RAI2: variants seen among roughly 807,000 people sequenced by gnomAD.
The protein encoded by RAI2 is retinoic acid-induced protein 2.
RAI2 carries 5 observed loss-of-function variants against 15.3 expected under a neutral mutation model. The ratio of observed to expected loss-of-function variants is 0.33; its 90% CI spans 0.17 to 0.69. The LOEUF (loss-of-function observed/expected upper bound fraction) is 0.69. Among genes scored for constraint, RAI2 ranks in the 30% least tolerant of loss-of-function variants. The pLI is 0.69. For synonymous variants in RAI2, 191 were observed against 184.0 expected (o/e 1.04, Z -0.31); for missense variants, 424 against 424.7 (o/e 1.00, Z 0.01).
intron 1 of RAI2, among the ~76,000 whole-genome samples, chrX:17,839,233 T>C (rs745510565): frequency 9.8e-5 from 11 of 112,255 alleles, no homozygotes; most frequent in African/African-American, 3.6e-4. Context: ...ACAGGAACCC[T>C]GCAGCGACAT....
intron 1 of RAI2, among the ~76,000 whole-genome samples, chrX:17,806,846 C>A (rs1354073359): frequency 9.0e-6 from 1 of 110,651 alleles, no homozygotes; most frequent in Non-Finnish European, 1.9e-5. Flanking sequence ...CACATCTTCA[C>A]GTGGCCGGCA....
chrX:17,850,458 C>T (rs2067516055), intron 1 of RAI2, among the ~76,000 whole-genome samples: 1 of 112,621 alleles, frequency 8.9e-6, no homozygotes, highest in Non-Finnish European at 1.9e-5. Flanking sequence ...TGAGGCTGCA[C>T]GCTTGTGCGT....
intron 1 of RAI2, among the ~76,000 whole-genome samples, chrX:17,823,396 A>C (rs1042111899): frequency 3.6e-5 from 4 of 112,311 alleles, no homozygotes. Context: ...TAAGATGAAA[A>C]GAGGGATGGT....
In RAI2 at chrX:17,831,730, C is replaced by T. The variant is rs148989978; in HGVS notation, c.-25+29368G>A. ...CGAAGTGGGAGAAGAAATGTGGCTA[C>T]GTGTTGGGAATGTAAGCAGCACAAA... On this transcript the variant is annotated intron_variant, in intron 1 of 1. Coordinates refer to ENST00000451717, the MANE Select transcript of RAI2 (RefSeq NM_021785.6). Among the ~76,000 whole-genome samples the T allele has an allele frequency of 1.8e-3, 203 of 112,467 alleles. 3 individuals are homozygous for T. The East Asian group carries it at 0.049, about 27-fold the overall frequency.
At chrX:17,809,537 T>C (rs2067019075) in intron 1 of RAI2, among the ~76,000 whole-genome samples, 1 of 112,186 alleles carries the variant, frequency 8.9e-6, no homozygotes, top group Admixed American at 9.4e-5. Flanking sequence ...CTGTTTTTTA[T>C]TTTATAGTGT....
In RAI2 at chrX:17,847,325, G is replaced by A. The variant is rs2067475828; in HGVS notation, c.-25+13773C>T. ...CTTTTTGGTCTTCATTCCCTCCACC[G>A]TCCCCATCCCCCACCCTCCAGTACA... On this transcript the variant is annotated intron_variant, in intron 1 of 1. Coordinates refer to ENST00000451717, the MANE Select transcript of RAI2 (RefSeq NM_021785.6). Among the ~76,000 whole-genome samples the A allele has an allele frequency of 2.7e-5, 3 of 110,933 alleles. No homozygotes were observed. The Admixed American group carries it at 2.9e-4, about 11-fold the overall frequency.
At position 17,828,571 on chromosome X, in the gene RAI2, A is replaced by T. The variant is rs142396075; in HGVS notation, c.-24-26537T>A. 0.014 allele frequency among the ~76,000 whole-genome samples: 1,593 copies of T among 112,199 alleles called. 68 individuals are homozygous for T. In the East Asian group the frequency reaches 0.16, roughly 11 times the overall value. ...ACCTTTGATTCCTCTAAAACATGCC[A>T]AATCAGAGTAGAACTGTGCTACTCC... On this transcript the variant is annotated intron_variant, in intron 1 of 1. Coordinates refer to ENST00000451717, the MANE Select transcript of RAI2 (RefSeq NM_021785.6).
Position 17,800,857 on chromosome X carries a change from G to A in RAI2, c.1154C>T (p.Ser385Phe), listed in dbSNP as rs1395657888. Reference sequence around the variant, plus strand: ...CTCATGGGACGTGGCAGGGGCAAAAGAAATTTCCATGCCACTGGGAAGTTT... The same window carrying A: ...CTCATGGGACGTGGCAGGGGCAAAAAAAATTTCCATGCCACTGGGAAGTTT... ...MEKLPSGMEI[S>F]FAPATSHEAP... Residue 385 changes from serine to phenylalanine, a missense_variant, in exon 2 of 2, where the codon TCT becomes TTT. Physicochemically the swap from Ser to Phe is radical, Grantham distance 155 (BLOSUM62 -2). Transcript: ENST00000451717. The A allele has an allele frequency of 8.3e-7, 1 of 1,211,678 alleles. No homozygotes were observed.
At chrX:17,812,764 G>A (rs2067063641) in intron 1 of RAI2, among the ~76,000 whole-genome samples, 1 of 111,952 alleles carries the variant, frequency 8.9e-6, no homozygotes, top group Admixed American at 9.5e-5. Flanking sequence ...ATGAGGGTAA[G>A]GATAAGAGGG....
At position 17,805,415 on chromosome X, in the gene RAI2, G is replaced by A. The variant is rs1379466610; in HGVS notation, c.-24-3381C>T. On this transcript the variant is annotated intron_variant, in intron 1 of 1. Transcript: ENST00000451717. ...CTCCTGTCCTTGGGGACTGCAGCCC[G>A]AAGTGGCTATGGTTCTGTTACTGGA... Among the ~76,000 whole-genome samples the A allele has an allele frequency of 5.3e-5, 6 of 112,869 alleles. No individual in the cohort carries two copies. The East Asian group carries it at 8.4e-4, about 16-fold the overall frequency.
chrX:17,826,129 T>C (rs2067224157), intron 1 of RAI2, among the ~76,000 whole-genome samples: 1 of 112,777 alleles, frequency 8.9e-6, no homozygotes, highest in African/African-American at 3.2e-5. Flanking sequence ...TTTAACCCAT[T>C]CCAAGAAGGT....
At chrX:17,806,633 AG>A (rs913322331) in intron 1 of RAI2, among the ~76,000 whole-genome samples, 6 of 111,572 alleles carry the variant, frequency 5.4e-5, no homozygotes, top group Non-Finnish European at 1.1e-4. Context: ...GGAGGTAGGG[AG>A]GGACTGGGAG....
rs2066910972 is a variant in RAI2, at chrX:17,801,516, C to T, written c.495G>A (p.Gln165=). Residue 165 remains glutamine (Q), a synonymous_variant, in exon 2 of 2, where the codon CAG becomes CAA. Transcript: ENST00000451717. Reference sequence around the variant, plus strand: ...GGATCCTCAGGTCCAGGAGCTGGGGCTGGGCCTCGGGGTCCTCCGCTCCCT... The same window carrying T: ...GGATCCTCAGGTCCAGGAGCTGGGGTTGGGCCTCGGGGTCCTCCGCTCCCT... ...LFQGAEDPEA[Q]PQLLDLRIPS... is the part of the protein sequence containing the mutation. 3.3e-6 allele frequency: 4 copies of T among 1,195,436 alleles called. No homozygotes were observed. In the Admixed American group the frequency reaches 6.7e-5, roughly 20 times the overall value.
rs781149643 is a variant in RAI2 at position 17,839,990 on chromosome X, G to A, written c.-25+21108C>T. Among the ~76,000 whole-genome samples the A allele has an allele frequency of 9.8e-5, 11 of 112,581 alleles. No homozygotes were observed. The South Asian group carries it at 3.3e-3, about 34-fold the overall frequency. On this transcript the variant is annotated intron_variant, in intron 1 of 1. Transcript: ENST00000451717. ...TTGTTGAGTGAGCATGTGTGTACACGTGTGTGTGTTAAGAACTTAAAGAAT... is the reference window on the plus strand; with the variant it reads ...TTGTTGAGTGAGCATGTGTGTACACATGTGTGTGTTAAGAACTTAAAGAAT...
rs532307821 is a variant in RAI2, at chrX:17,852,847, A to G, written c.-25+8251T>C. On this transcript the variant is annotated intron_variant, in intron 1 of 1. Coordinates refer to ENST00000451717, the MANE Select transcript of RAI2 (RefSeq NM_021785.6). ...GCTACCTGAATTTCAATCATTACGAAAAATGATCCATCTACCGAGAAAGTA... is the reference window on the plus strand; with the variant it reads ...GCTACCTGAATTTCAATCATTACGAGAAATGATCCATCTACCGAGAAAGTA... 2.7e-5 allele frequency among the ~76,000 whole-genome samples: 3 copies of G among 112,055 alleles called. No individual in the cohort carries two copies. In the South Asian group the frequency reaches 1.1e-3, roughly 42 times the overall value.
At chrX:17,822,023 T>C (rs1032229305) in intron 1 of RAI2, among the ~76,000 whole-genome samples, 1 of 111,811 alleles carries the variant, frequency 8.9e-6, no homozygotes, top group South Asian at 3.7e-4. Context: ...CAAAAATCCA[T>C]GTGAATATTT....
intron 1 of RAI2, among the ~76,000 whole-genome samples, chrX:17,803,936 C>CT (rs11448927): frequency 0.018 from 1,783 of 99,910 alleles, 50 homozygotes; most frequent in African/African-American, 0.057. Context: ...TCCAACATGC[C>CT]TTTTTTTTTT....
At chrX:17,811,919 A>C (rs1161563257) in intron 1 of RAI2, among the ~76,000 whole-genome samples, 1 of 110,637 alleles carries the variant, frequency 9.0e-6, no homozygotes, top group Non-Finnish European at 1.9e-5. Context: ...CTCTGTGTAA[A>C]ATGATTAAAA....
rs1601912783 is a variant in RAI2, at chrX:17,819,692, C to T, written c.-24-17658G>A. Among the ~76,000 whole-genome samples the T allele has an allele frequency of 2.7e-5, 3 of 112,414 alleles. 1 individual carries two copies. The South Asian group carries it at 1.1e-3, about 41-fold the overall frequency. ...TAATGGCACAATTGCATCTCAAAACCACCATGTTGAAGGAAGGAAGCCAGA... is the reference window on the plus strand; with the variant it reads ...TAATGGCACAATTGCATCTCAAAACTACCATGTTGAAGGAAGGAAGCCAGA... On this transcript the variant is annotated intron_variant, in intron 1 of 1. Coordinates refer to ENST00000451717, the MANE Select transcript of RAI2 (RefSeq NM_021785.6).
Sources: gnomAD v4.1 joint callset for allele counts (sites outside exome capture counted in the v4.1 genomes callset) on GRCh38, gnomAD v4.1.1 for gene constraint, MANE v1.5 for transcripts, NCBI Gene and HGNC (gene_info 2026-07-23, HGNC 2026-07-21) for gene names.